The following CNGB1 variants were observed in gnomAD, a reference collection of about 807,000 sequenced individuals.
CNGB1 encodes cyclic nucleotide-gated channel beta-1.
CNGB1 carries 126 observed loss-of-function variants against 151.7 expected under a neutral mutation model. That is an observed-to-expected ratio of 0.83 (90% confidence interval 0.72 to 0.96). The LOEUF (loss-of-function observed/expected upper bound fraction) is 0.96. CNGB1 is among the 40% of genes least tolerant of loss of function. CNGB1 has a pLI of 0.00. For missense variants in CNGB1, 1,698 were observed against 1,627.0 expected (o/e 1.04, Z -0.75); for synonymous variants, 623 against 635.1 (o/e 0.98, Z 0.29).
chr16:57,955,748 G>T (rs1389140435), intron 12 of CNGB1, among the ~76,000 whole-genome samples: 1 of 151,512 alleles, frequency 6.6e-6, no homozygotes, highest in Non-Finnish European at 1.5e-5. Context: ...GTGTAGAGAC[G>T]GAGGCGGGCA....
At position 57,939,420 on chromosome 16, in the gene CNGB1, C is replaced by A. The variant is rs531364050; in HGVS notation, c.1372+10G>T. 1 of 1,613,944 alleles carries A rather than the reference C, an allele frequency of 6.2e-7. No individual in the cohort carries two copies. The highest frequency in any genetic ancestry group is 1.3e-5 in the African/African-American group (1 of 74,920). On this transcript the variant is annotated intron_variant, in intron 16 of 32. Coordinates refer to ENST00000251102, the MANE Select transcript of CNGB1 (RefSeq NM_001297.5). ...CTTGCGCAACCCATCACCACCACCA[C>A]CACACCTACCTCCTGAACTGGCAGC...
At chr16:57,960,435 C>A in intron 9 of CNGB1, 47 bp downstream of exon 9, 1 of 1,602,888 alleles carries the variant, frequency 6.2e-7, no homozygotes, top group Non-Finnish European at 8.5e-7. Flanking sequence ...CTGAGCCCAG[C>A]CCGTGACCAT....
chr16:57,892,944 C>T (rs568728764), intron 31 of CNGB1, among the ~76,000 whole-genome samples: 77 of 152,328 alleles, frequency 5.1e-4, no homozygotes, highest in African/African-American at 1.8e-3. Flanking sequence ...TAGCCAGACG[C>T]ATCACATCAT....
rs774698647 is a variant in CNGB1, at chr16:57,911,922, T to G, written c.2370-47A>C. 4 of 1,607,226 alleles carry G rather than the reference T, an allele frequency of 2.5e-6. No homozygotes were observed. The African/African-American group carries it at 5.4e-5, about 22-fold the overall frequency. ...TGAACACAGCGGCGGAAGGGGGAGGTGAGGTATAGACACCTGGACAGTGAG... is the reference window on the plus strand; with the variant it reads ...TGAACACAGCGGCGGAAGGGGGAGGGGAGGTATAGACACCTGGACAGTGAG... On this transcript the variant is annotated intron_variant, in intron 24 of 32. Transcript: ENST00000251102.
rs192197804 is a variant in CNGB1, at chr16:57,910,073, C to T, written c.2492+1680G>A. On this transcript the variant is annotated intron_variant, in intron 25 of 32. Coordinates refer to ENST00000251102, the MANE Select transcript of CNGB1 (RefSeq NM_001297.5). ...AAACCAAAAATAAATTATAAGGCCCCCAACCATCGGAACGGACCCCTCCTC... is the reference window on the plus strand; with the variant it reads ...AAACCAAAAATAAATTATAAGGCCCTCAACCATCGGAACGGACCCCTCCTC... 5.1e-3 allele frequency among the ~76,000 whole-genome samples: 771 copies of T among 152,310 alleles called. 4 individuals carry two copies. The highest frequency in any genetic ancestry group is 7.8e-3 in the Non-Finnish European group (532 of 68,040).
At chr16:57,923,088 T>G in intron 18 of CNGB1, 185 bp downstream of exon 18, 1 of 492,244 alleles carries the variant, frequency 2.0e-6, no homozygotes, top group Non-Finnish European at 3.7e-6. Context: ...CCCACTGGAT[T>G]TAACAGGACT....
At chr16:57,919,977 C>T (rs753207092) in intron 19 of CNGB1, among the ~76,000 whole-genome samples, 36 of 152,236 alleles carry the variant, frequency 2.4e-4, no homozygotes, top group Middle Eastern at 6.8e-3. Flanking sequence ...AAGAAAAATT[C>T]GGATAGCCTC....
chr16:57,918,573 G>C (rs1325263500), intron 20 of CNGB1, among the ~76,000 whole-genome samples: 2 of 152,204 alleles, frequency 1.3e-5, no homozygotes, highest in Non-Finnish European at 2.9e-5. Flanking sequence ...GAGTGAAAAA[G>C]GACTTGGCCA....
chr16:57,964,406 A>C, intron 3 of CNGB1, 81 bp downstream of exon 3: 1 of 1,561,274 alleles, frequency 6.4e-7, no homozygotes, highest in Non-Finnish European at 8.8e-7. Flanking sequence ...TGGGTCCGCC[A>C]GCCTCGTGGG....
chr16:57,951,926 C>T (rs1157168940), intron 12 of CNGB1, among the ~76,000 whole-genome samples: 2 of 152,230 alleles, frequency 1.3e-5, no homozygotes, highest in African/African-American at 4.8e-5. Context: ...GCATCCTGAA[C>T]TAGCTGTTTC....
chr16:57,904,705 G>A, intron 26 of CNGB1, 29 bp downstream of exon 26: 1 of 1,613,670 alleles, frequency 6.2e-7, no homozygotes, highest in Admixed American at 1.7e-5. Context: ...AGTCAGGTGG[G>A]GTGGGAAGCT....
chr16:57,960,196 A>G (rs1467280337), intron 9 of CNGB1, 131 bp from the exon 10 acceptor site: 1 of 1,467,354 alleles, frequency 6.8e-7, no homozygotes, highest in African/African-American at 1.4e-5. Flanking sequence ...CACCTCACCC[A>G]TCCCAATCCT....
intron 32 of CNGB1, among the ~76,000 whole-genome samples, chr16:57,886,607 G>A (rs1339508548): frequency 6.6e-6 from 1 of 152,196 alleles, no homozygotes; most frequent in African/African-American, 2.4e-5. Context: ...ACACCAGGCT[G>A]GATTGAGACT....
chr16:57,917,612 G>A (rs1341606224), intron 20 of CNGB1, 136 bp from the exon 21 acceptor site: 1 of 706,442 alleles, frequency 1.4e-6, no homozygotes, highest in Admixed American at 2.1e-5. Flanking sequence ...GTGTATGTGT[G>A]TGTGTGTGTA....
chr16:57,897,819 A>T lies in CNGB1; in HGVS notation c.3072T>A (p.Ala1024=), dbSNP rs199704464. 7.4e-6 allele frequency: 12 copies of T among 1,614,210 alleles called. No homozygotes were observed. Among genetic ancestry groups the T allele is most frequent in the Non-Finnish European group, 1.0e-5 (12 of 1,180,022 alleles). The change falls in exon 30 of 33, where the codon GCT becomes GCA. Residue 1024 remains alanine, a synonymous_variant. Transcript: ENST00000251102. The part of the protein sequence containing the change: ...DGKSVLVTLK[A]GSVFGEISLL... The stretch of plus-strand genomic sequence containing the variant: ...ACCTTATTTCTCCAAACACAGATCC[A>T]GCTTTCAGCGTCACCAGCACAGATT...
At chr16:57,960,572 C>T (rs1328858409) in intron 8 of CNGB1, 42 bp from the exon 9 acceptor site, 4 of 1,599,664 alleles carry the variant, frequency 2.5e-6, no homozygotes, top group South Asian at 1.1e-5. Context: ...CCATAGCAAG[C>T]TCTGTGCGCT....
Position 57,919,231 on chromosome 16 carries a change from G to C in CNGB1, c.1825C>G (p.Pro609Ala), listed in dbSNP as rs1356238786. 1 of 1,614,202 alleles carries C rather than the reference G, an allele frequency of 6.2e-7. No homozygotes were observed. Among genetic ancestry groups the C allele is most frequent in the Non-Finnish European group, 8.5e-7 (1 of 1,180,040 alleles). ...TCAGCGGGCTTTGTGTCTGGAGCTG[G>C]CTCTGGGGCTTTCTTGGCTGGGGCT... is the stretch of plus-strand genomic sequence containing the variant. ...KPSPAKKAPE[P>A]APDTKPAEAE... Residue 609 changes from proline (P) to alanine (A), a missense_variant, in exon 20 of 33, where the codon CCA becomes GCA. Pro to Ala is a conservative substitution (Grantham distance 27, BLOSUM62 -1). Coordinates refer to ENST00000251102, the MANE Select transcript of CNGB1 (RefSeq NM_001297.5).
At chr16:57,911,692 C>A (rs140865914) in intron 25 of CNGB1, 61 bp downstream of exon 25, 10 of 1,607,780 alleles carry the variant, frequency 6.2e-6, no homozygotes, top group Non-Finnish European at 6.8e-6. Flanking sequence ...CTCTGTGCTG[C>A]GAATTATAAA....
At position 57,887,448 on chromosome 16, in the gene CNGB1, T is replaced by C. The variant is rs191853106; in HGVS notation, c.3462+407A>G. Reference sequence around the variant, plus strand: ...AATTCTGTCCAATGACAGTGAGTCCTGGAACTTTTGCTAGAATCCCTGGGA... The same window carrying C: ...AATTCTGTCCAATGACAGTGAGTCCCGGAACTTTTGCTAGAATCCCTGGGA... On this transcript the variant is annotated intron_variant, in intron 32 of 32. Transcript: ENST00000251102. Among the ~76,000 whole-genome samples, 12 of 152,192 alleles carry C rather than the reference T, an allele frequency of 7.9e-5. No homozygotes were observed. In the East Asian group the frequency reaches 2.3e-3, roughly 29 times the overall value.
Sources: gnomAD v4.1 joint callset for allele counts (sites outside exome capture counted in the v4.1 genomes callset) on GRCh38, gnomAD v4.1.1 for gene constraint, MANE v1.5 for transcripts, NCBI Gene and HGNC (gene_info 2026-07-23, HGNC 2026-07-21) for gene names.